The following CADM1 variants were observed in gnomAD, a reference collection of about 807,000 sequenced individuals.
The protein encoded by CADM1 is cell adhesion molecule 1, also known as TSLC-1.
A neutral mutation model predicts 53.1 loss-of-function variants in CADM1; 15 were observed. The ratio of observed to expected loss-of-function variants is 0.28; its 90% CI spans 0.19 to 0.44. The LOEUF (loss-of-function observed/expected upper bound fraction) is 0.44. Ranked by LOEUF, CADM1 falls within the 20% of genes least tolerant of loss-of-function variation. CADM1 has a pLI of 1.00. For synonymous variants in CADM1, 281 were observed against 243.0 expected (o/e 1.16, Z -1.45); for missense variants, 434 against 611.3 (o/e 0.71, Z 3.06).
At chr11:115,267,105 G>A (rs1943162947) in intron 1 of CADM1, among the ~76,000 whole-genome samples, 1 of 152,192 alleles carries the variant, frequency 6.6e-6, no homozygotes, top group Non-Finnish European at 1.5e-5. Context: ...ATGCAAAGAT[G>A]CTATAGTAAA....
chr11:115,285,289 AAGG>A (rs1253884635), intron 1 of CADM1, among the ~76,000 whole-genome samples: 1 of 152,226 alleles, frequency 6.6e-6, no homozygotes, highest in East Asian at 1.9e-4. Flanking sequence ...TTATAATCTA[AAGG>A]AGAAAAACTA....
rs1310462496 is a variant in CADM1, at chr11:115,208,415, G to T, written c.1078+1159C>A. ...GAATTTTCATCATCTCTATCTTACT[G>T]ACTCCCATGAAAATTGGAAATGTCT... On this transcript the variant is annotated intron_variant, in intron 8 of 11. Coordinates refer to ENST00000331581, the MANE Select transcript of CADM1 (RefSeq NM_001301043.2). Among the ~76,000 whole-genome samples the T allele has an allele frequency of 3.3e-5, 5 of 152,150 alleles. No individual in the cohort carries two copies. In the East Asian group the frequency reaches 9.7e-4, roughly 29 times the overall value.
chr11:115,492,932 T>TACAC (rs57800253), intron 1 of CADM1, among the ~76,000 whole-genome samples: 4,097 of 146,762 alleles, frequency 0.028, 97 homozygotes, highest in African/African-American at 0.064. Context: ...GGATATTTTA[T>TACAC]ACACACACAC....
intron 1 of CADM1, among the ~76,000 whole-genome samples, chr11:115,358,063 G>A (rs1945924047): frequency 6.6e-6 from 1 of 152,056 alleles, no homozygotes; most frequent in African/African-American, 2.4e-5. Context: ...AATGAGTTCT[G>A]GCACAGCTGT....
intron 1 of CADM1, among the ~76,000 whole-genome samples, chr11:115,339,616 G>A (rs1246059728): frequency 2.6e-5 from 4 of 152,100 alleles, no homozygotes; most frequent in African/African-American, 9.7e-5. Flanking sequence ...CTTATGCAGA[G>A]TTTAGTTTTC....
chr11:115,355,228 G>A (rs1461241822), intron 1 of CADM1, among the ~76,000 whole-genome samples: 1 of 152,200 alleles, frequency 6.6e-6, no homozygotes, highest in Non-Finnish European at 1.5e-5. Flanking sequence ...ATTAATGGCT[G>A]ATTGGATAAA....
chr11:115,425,938 T>C (rs1484275418), intron 1 of CADM1, among the ~76,000 whole-genome samples: 2 of 152,170 alleles, frequency 1.3e-5, no homozygotes, highest in African/African-American at 4.8e-5. Context: ...ACCCTTTAAC[T>C]AGGCGCATCT....
At chr11:115,466,098 C>T (rs1260941892) in intron 1 of CADM1, among the ~76,000 whole-genome samples, 4 of 152,024 alleles carry the variant, frequency 2.6e-5, no homozygotes, top group Non-Finnish European at 4.4e-5. Context: ...ACATGATGAG[C>T]CAAAAAAGCT....
At chr11:115,312,115 C>T (rs1944547085) in intron 1 of CADM1, among the ~76,000 whole-genome samples, 1 of 152,092 alleles carries the variant, frequency 6.6e-6, no homozygotes, top group African/African-American at 2.4e-5. Flanking sequence ...CAGAGTATTA[C>T]AGAACAATGT....
intron 1 of CADM1, among the ~76,000 whole-genome samples, chr11:115,439,087 C>T (rs541153844): frequency 3.3e-5 from 5 of 152,278 alleles, no homozygotes; most frequent in Non-Finnish European, 5.9e-5. Context: ...CAAAACTTCA[C>T]CCAAACCAAA....
rs531167092 is a variant in CADM1, at chr11:115,180,073, C to T, written c.1166-1298G>A. Among the ~76,000 whole-genome samples, 42 of 152,268 alleles carry T rather than the reference C, an allele frequency of 2.8e-4. 1 individual carries two copies. Among genetic ancestry groups the T allele is most frequent in the South Asian group, 8.3e-4 (4 of 4,816 alleles). On this transcript the variant is annotated intron_variant, in intron 10 of 11. Transcript: ENST00000331581. The stretch of plus-strand genomic sequence containing the variant: ...CTAATAATATTTGAAGTTTATCGAT[C>T]AAGTGTACAGATCCGTGACAGCTAA...
intron 1 of CADM1, among the ~76,000 whole-genome samples, chr11:115,324,515 A>T (rs10891828): frequency 1 from 152,278 of 152,278 alleles, 76,139 homozygotes; most frequent in Non-Finnish European, 1. Flanking sequence ...CGTGGAAAAG[A>T]ACATGACAGC....
chr11:115,310,427 C>G (rs1012342226), intron 1 of CADM1, among the ~76,000 whole-genome samples: 9 of 152,122 alleles, frequency 5.9e-5, no homozygotes, highest in Non-Finnish European at 1.2e-4. Context: ...CTTGAGCCTA[C>G]TTGTATCTAG....
intron 1 of CADM1, among the ~76,000 whole-genome samples, chr11:115,258,614 G>T (rs1214293855): frequency 2.6e-5 from 4 of 152,176 alleles, no homozygotes; most frequent in Admixed American, 6.5e-5. Context: ...ACCATCTTTG[G>T]TGAACCTTGT....
At chr11:115,334,924 C>A (rs1945612564) in intron 1 of CADM1, among the ~76,000 whole-genome samples, 2 of 152,056 alleles carry the variant, frequency 1.3e-5, no homozygotes, top group Admixed American at 1.3e-4. Context: ...TTTTTGCTTA[C>A]CTTCTGAAAA....
intron 1 of CADM1, among the ~76,000 whole-genome samples, chr11:115,336,767 A>T (rs994240492): frequency 5.3e-5 from 8 of 152,136 alleles, no homozygotes; most frequent in Non-Finnish European, 8.8e-5. Flanking sequence ...AATAAGTATG[A>T]GTGTTTTTCC....
intron 1 of CADM1, among the ~76,000 whole-genome samples, chr11:115,245,241 C>A (rs1286643960): frequency 1.3e-5 from 2 of 152,036 alleles, no homozygotes; most frequent in East Asian, 3.9e-4. Context: ...GAAGACTGAA[C>A]CTAACATTAA....
At chr11:115,394,643 G>A (rs1380908355) in intron 1 of CADM1, among the ~76,000 whole-genome samples, 2 of 152,102 alleles carry the variant, frequency 1.3e-5, no homozygotes, top group Non-Finnish European at 1.5e-5. Context: ...AAGAGCTTAA[G>A]GAAAACAATC....
intron 1 of CADM1, among the ~76,000 whole-genome samples, chr11:115,440,112 A>G (rs780036124): frequency 2.6e-5 from 4 of 152,230 alleles, no homozygotes; most frequent in Non-Finnish European, 4.4e-5. Flanking sequence ...TCCAAACTGT[A>G]TCTTTAAAAT....
Sources: gnomAD v4.1 joint callset for allele counts (sites outside exome capture counted in the v4.1 genomes callset) on GRCh38, gnomAD v4.1.1 for gene constraint, MANE v1.5 for transcripts, NCBI Gene and HGNC (gene_info 2026-07-23, HGNC 2026-07-21) for gene names.